Variants in PIK3CA observed in about 807,000 individuals in gnomAD.
The protein encoded by PIK3CA is phosphatidylinositol-4,5-bisphosphate 3-kinase catalytic subunit alpha.
A neutral mutation model predicts 138.2 loss-of-function variants in PIK3CA; 27 were observed. That is an observed-to-expected ratio of 0.20 (90% CI 0.14 to 0.27). The LOEUF is 0.27. PIK3CA is among the 10% of genes least tolerant of loss of function. PIK3CA has a pLI of 1.00. For missense variants in PIK3CA, 544 were observed against 1,277.4 expected (o/e 0.43, Z 8.75); for synonymous variants, 358 against 413.2 (o/e 0.87, Z 1.62).
chr3:179,174,499 C>T (rs1394508597), intron 1 of PIK3CA, among the ~76,000 whole-genome samples: 2 of 152,082 alleles, frequency 1.3e-5, no homozygotes, highest in Non-Finnish European at 2.9e-5. Flanking sequence ...CAGTTCATTA[C>T]TGTATCTCAC....
chr3:179,220,933 A>T lies in PIK3CA; in HGVS notation c.2016-53A>T, dbSNP rs769760579. The T allele has an allele frequency of 5.0e-5, 54 of 1,075,816 alleles. No individual in the cohort carries two copies. The highest frequency in any genetic ancestry group is 7.0e-5 in the Non-Finnish European group (54 of 774,394). 66.6% of individuals were successfully genotyped at this position (1,075,816 alleles called of 1,614,324 possible). A position where few individuals can be genotyped will look rare whatever the true frequency, so the allele number is the denominator to read the frequency against. ...AAATTGTTTAGCAAAGATTATTTGT[A>T]TACTGATTTAAGACTATATATATAT... On this transcript the variant is annotated intron_variant, in intron 13 of 20. Transcript: ENST00000263967. This position sits in a 1 kb window ranked among gnomAD's most constrained non-coding sequence, Gnocchi z 4.1.
In PIK3CA at chr3:179,198,997, C is replaced by T. The variant is rs2108385680; in HGVS notation, c.172C>T (p.Leu58Phe). The change falls in exon 2 of 21, where the codon CTC (leucine) becomes TTC (phenylalanine). Residue 58 changes from leucine to phenylalanine, a missense_variant. This residue lies in a region of PIK3CA where 47 missense variants were observed against 84.0 expected (regional missense o/e 0.56). Coordinates refer to ENST00000263967, the MANE Select transcript of PIK3CA (RefSeq NM_006218.4). ...ELFKEARKYP[L>F]HQLLQDESSY... ...ATTTAAAGAAGCAAGAAAATACCCCCTCCATCAACTTCTTCAAGATGAATC... is the reference window on the plus strand; with the variant it reads ...ATTTAAAGAAGCAAGAAAATACCCCTTCCATCAACTTCTTCAAGATGAATC... 6.2e-7 allele frequency: 1 copy of T among 1,613,308 alleles called. No individual in the cohort carries two copies. The highest frequency in any genetic ancestry group is 1.3e-5 in the African/African-American group (1 of 75,022).
chr3:179,207,822 A>AT (rs1724608286), intron 6 of PIK3CA, among the ~76,000 whole-genome samples: 1 of 151,946 alleles, frequency 6.6e-6, no homozygotes, highest in East Asian at 1.9e-4. Flanking sequence ...GCCCAGCCTA[A>AT]TTTTTTTTAA....
rs1367429373 is a variant in PIK3CA at position 179,209,836 on chromosome 3, A to C, written c.1251+136A>C. 6 of 466,614 alleles carry C rather than the reference A, an allele frequency of 1.3e-5. No homozygotes were observed. The Admixed American group carries it at 1.6e-4, about 12-fold the overall frequency. 28.9% of individuals were successfully genotyped at this position (466,614 alleles called of 1,614,324 possible). A position where few individuals can be genotyped will look rare whatever the true frequency, so the allele number is the denominator to read the frequency against. On this transcript the variant is annotated intron_variant, in intron 7 of 20. Coordinates refer to ENST00000263967, the MANE Select transcript of PIK3CA (RefSeq NM_006218.4). ...ATAAACCTATTTTTAAAATTTTAAT[A>C]AATGTATCATGGAAGAATACCTTGG...
At position 179,167,660 on chromosome 3, in the gene PIK3CA, A is replaced by G. The variant is rs143856798; in HGVS notation, c.-77+19057A>G. 5.9e-5 allele frequency among the ~76,000 whole-genome samples: 9 copies of G among 152,254 alleles called. No individual in the cohort carries two copies. In the East Asian group the frequency reaches 9.6e-4, roughly 16 times the overall value. On this transcript the variant is annotated intron_variant, in intron 1 of 20. Transcript: ENST00000263967. ...TACTATTTACATTAATATTATATAA[A>G]AATGTTTCACTTTACAACCAAGTAG...
intron 3 of PIK3CA, among the ~76,000 whole-genome samples, chr3:179,200,497 A>G (rs1327350834): frequency 6.6e-6 from 1 of 152,140 alleles, no homozygotes; most frequent in Non-Finnish European, 1.5e-5. Context: ...AATTTGAGTT[A>G]ACTCTCACAC....
At chr3:179,229,590 G>C in intron 18 of PIK3CA, 148 bp downstream of exon 18, 1 of 543,426 alleles carries the variant, frequency 1.8e-6, no homozygotes. Context: ...AATATTTGAT[G>C]TTAATGGATT....
chr3:179,170,921 A>G (rs763708579), intron 1 of PIK3CA, among the ~76,000 whole-genome samples: 1 of 152,208 alleles, frequency 6.6e-6, no homozygotes, highest in South Asian at 2.1e-4. Context: ...TACAGAAGAC[A>G]GGAATAAAGC....
chr3:179,233,237 C>A (rs1576949437), intron 20 of PIK3CA: 3 of 397,674 alleles, frequency 7.5e-6, no homozygotes, highest in African/African-American at 4.1e-5. Context: ...TATAGTTTGA[C>A]TTCCTCTTTT....
rs532208694 is a variant in PIK3CA, at chr3:179,221,662, T to A, written c.2187+505T>A. Among the ~76,000 whole-genome samples the A allele has an allele frequency of 2.0e-5, 3 of 151,840 alleles. No homozygotes were observed. The East Asian group carries it at 5.8e-4, about 29-fold the overall frequency. On this transcript the variant is annotated intron_variant, in intron 14 of 20. Transcript: ENST00000263967. ...ACACTCTAGTCATCTGCTGTCTAGC[T>A]TAGTATAACTAAGAGTAGGAAATAC...
At chr3:179,210,740 C>CT (rs1390984925) in intron 9 of PIK3CA, among the ~76,000 whole-genome samples, 175 bp downstream of exon 9, 2 of 152,180 alleles carry the variant, frequency 1.3e-5, no homozygotes, top group Non-Finnish European at 2.9e-5. Flanking sequence ...TGCACCTCTG[C>CT]TTTTTTAAAG....
intron 1 of PIK3CA, among the ~76,000 whole-genome samples, chr3:179,167,796 A>G (rs1394533670): frequency 6.6e-6 from 1 of 152,182 alleles, no homozygotes; most frequent in African/African-American, 2.4e-5. Context: ...TATTCCACAT[A>G]CTGCTCAAAA....
chr3:179,206,037 G>A (rs979115426), intron 6 of PIK3CA, among the ~76,000 whole-genome samples: 3 of 149,550 alleles, frequency 2.0e-5, no homozygotes, highest in Non-Finnish European at 3.0e-5. Context: ...GTCAGAAAAC[G>A]TATCATTCAG....
intron 1 of PIK3CA, among the ~76,000 whole-genome samples, chr3:179,177,442 A>G (rs190892295): frequency 4.8e-4 from 73 of 151,110 alleles, no homozygotes; most frequent in African/African-American, 1.4e-3. Flanking sequence ...CCTCCTGAGT[A>G]GCTGGGATTA....
At chr3:179,162,816 A>G (rs1480343683) in intron 1 of PIK3CA, among the ~76,000 whole-genome samples, 1 of 152,116 alleles carries the variant, frequency 6.6e-6, no homozygotes, top group Non-Finnish European at 1.5e-5. Context: ...TACAGATACC[A>G]GTTTTCCTCA....
chr3:179,232,394 A>G (rs1725233961), intron 20 of PIK3CA, among the ~76,000 whole-genome samples: 1 of 151,816 alleles, frequency 6.6e-6, no homozygotes, highest in Non-Finnish European at 1.5e-5. Context: ...ATGTTTTTAT[A>G]TGTCTAAGAT....
At chr3:179,224,302 T>C (rs1407007379) in intron 15 of PIK3CA, 115 bp downstream of exon 15, 19 of 562,286 alleles carry the variant, frequency 3.4e-5, no homozygotes, top group Non-Finnish European at 6.0e-5. Flanking sequence ...TATGCTTCTC[T>C]CTCTCATTCT....
intron 1 of PIK3CA, chr3:179,149,702 C>T (rs993578337): frequency 2.6e-5 from 4 of 152,088 alleles, no homozygotes; most frequent in African/African-American, 7.2e-5. Context: ...GGGGAGAACC[C>T]CTTAGAATAC....
rs555459107 is a variant in PIK3CA at position 179,224,626 on chromosome 3, T to C, written c.2295-74T>C. On this transcript the variant is annotated intron_variant, in intron 15 of 20. Transcript: ENST00000263967. The stretch of plus-strand genomic sequence containing the variant: ...ACTTCAAAAAGCTATATTGTATTTA[T>C]ATTTTAAAATAAATTTCAGGGTAAA... The C allele has an allele frequency of 1.1e-3, 1,040 of 980,898 alleles. 3 individuals carry two copies. The highest frequency in any genetic ancestry group is 1.5e-3 in the Non-Finnish European group (997 of 677,336). 60.8% of individuals were successfully genotyped at this position (980,898 alleles called of 1,614,324 possible).
Sources: gnomAD v4.1 joint callset for allele counts (sites outside exome capture counted in the v4.1 genomes callset) on GRCh38, gnomAD v4.1.1 for gene constraint, gnomAD v4.1.1 regional missense constraint, Gnocchi (gnomAD v3.1) non-coding constraint, MANE v1.5 for transcripts, NCBI Gene and HGNC (gene_info 2026-07-23, HGNC 2026-07-21) for gene names.